Variants in PHACTR1 observed in about 807,000 individuals in gnomAD.
PHACTR1 encodes RPEL repeat containing 1.
A neutral mutation model predicts 69.2 loss-of-function variants in PHACTR1; 16 were observed. That is an observed-to-expected ratio of 0.23 (90% CI 0.16 to 0.35). PHACTR1 has a LOEUF of 0.35. Ranked by LOEUF, PHACTR1 falls within the 10% of genes least tolerant of loss-of-function variation. The probability of loss-of-function intolerance (pLI) is 1.00; values close to 1 mark genes in which losing one functional copy is unlikely to be tolerated. For synonymous variants in PHACTR1, 312 were observed against 284.5 expected (o/e 1.10, Z -0.97); for missense variants, 510 against 734.7 (o/e 0.69, Z 3.54).
chr6:13,170,136 C>CT (rs1470774228), intron 6 of PHACTR1, among the ~76,000 whole-genome samples: 1 of 152,134 alleles, frequency 6.6e-6, no homozygotes, highest in Non-Finnish European at 1.5e-5. Context: ...AGGGAACAAA[C>CT]GAAGGCTATA....
intron 5 of PHACTR1, among the ~76,000 whole-genome samples, chr6:13,130,468 A>G (rs549457973): frequency 1.8e-4 from 28 of 152,256 alleles, no homozygotes; most frequent in African/African-American, 5.3e-4. Flanking sequence ...TAGAAATTAA[A>G]CAGGAGATAT....
chr6:12,981,293 A>G (rs1177021512), intron 4 of PHACTR1, among the ~76,000 whole-genome samples: 1 of 152,206 alleles, frequency 6.6e-6, no homozygotes, highest in African/African-American at 2.4e-5. Flanking sequence ...TAGCATAAAA[A>G]CTGTTCCCCA....
At chr6:13,116,309 C>A (rs191495207) in intron 5 of PHACTR1, among the ~76,000 whole-genome samples, 37 of 152,226 alleles carry the variant, frequency 2.4e-4, no homozygotes, top group African/African-American at 8.4e-4. Context: ...CTGCTTATGC[C>A]CTGAGACAGG....
At chr6:13,178,413 C>G (rs1003295769) in intron 6 of PHACTR1, among the ~76,000 whole-genome samples, 28 of 152,188 alleles carry the variant, frequency 1.8e-4, no homozygotes, top group Middle Eastern at 3.2e-3. Flanking sequence ...TACTCTTTAT[C>G]CTTAATTCAG....
At chr6:12,809,733 CT>C (rs1312563180) in intron 4 of PHACTR1, among the ~76,000 whole-genome samples, 1 of 152,136 alleles carries the variant, frequency 6.6e-6, no homozygotes, top group Non-Finnish European at 1.5e-5. Context: ...TAAGTAAGCT[CT>C]ATAGTTCAGT....
intron 10 of PHACTR1, among the ~76,000 whole-genome samples, chr6:13,249,476 C>T (rs2013128): frequency 6.6e-6 from 1 of 152,084 alleles, no homozygotes. Context: ...TTACATTTTT[C>T]TGGTCAGGGG....
chr6:13,039,238 G>C (rs1305610023), intron 4 of PHACTR1, among the ~76,000 whole-genome samples: 1 of 152,096 alleles, frequency 6.6e-6, no homozygotes, highest in Non-Finnish European at 1.5e-5. Flanking sequence ...ATAATAACTA[G>C]GCAAGTGTTT....
At chr6:13,229,537 G>T (rs1170121143) in intron 9 of PHACTR1, among the ~76,000 whole-genome samples, 1 of 150,404 alleles carries the variant, frequency 6.6e-6, no homozygotes, top group Admixed American at 6.6e-5. Context: ...TCTCCTTCAC[G>T]TCCCCCCAGC....
chr6:12,975,818 C>A (rs533292272), intron 4 of PHACTR1, among the ~76,000 whole-genome samples: 1 of 152,294 alleles, frequency 6.6e-6, no homozygotes, highest in African/African-American at 2.4e-5. Context: ...TTTCTGGGCT[C>A]AAGTAATCCT....
In PHACTR1 at chr6:13,135,543, C is replaced by T. The variant is rs555423490; in HGVS notation, c.416-24661C>T. On this transcript the variant is annotated intron_variant, in intron 5 of 14. Transcript: ENST00000332995. ...ACTGAGAAGACTTTTCATCTGGATA[C>T]ATTTGCAAGTCAAAGAAAACCGTTT... is the stretch of plus-strand genomic sequence containing the variant. 6.6e-5 allele frequency among the ~76,000 whole-genome samples: 10 copies of T among 152,336 alleles called. No homozygotes were observed. In the East Asian group the frequency reaches 1.9e-3, roughly 29 times the overall value.
rs1466035481 is a variant in PHACTR1, at chr6:13,058,476, C to T, written c.415+4947C>T. On this transcript the variant is annotated intron_variant, in intron 5 of 14. Transcript: ENST00000332995. Reference sequence around the variant, plus strand: ...CTTTTACTGAGTGTCCACCACATGCCGGAATGTCACCTGGCTCTGGGTATA... The same window carrying T: ...CTTTTACTGAGTGTCCACCACATGCTGGAATGTCACCTGGCTCTGGGTATA... Among the ~76,000 whole-genome samples the T allele has an allele frequency of 3.3e-5, 5 of 152,108 alleles. No individual in the cohort carries two copies. In the South Asian group the frequency reaches 6.2e-4, roughly 19 times the overall value.
intron 4 of PHACTR1, among the ~76,000 whole-genome samples, chr6:12,839,383 G>T (rs1778471468): frequency 1.3e-5 from 2 of 152,108 alleles, no homozygotes; most frequent in Non-Finnish European, 2.9e-5. Context: ...TTCCCTTCAA[G>T]TCAGTCAGCA....
intron 4 of PHACTR1, among the ~76,000 whole-genome samples, chr6:12,970,298 C>T (rs1794037573): frequency 6.6e-6 from 1 of 152,166 alleles, no homozygotes; most frequent in Admixed American, 6.5e-5. Context: ...TAAGGCCACT[C>T]CTAATTTCTG....
chr6:12,822,518 T>C (rs570544740), intron 4 of PHACTR1, among the ~76,000 whole-genome samples: 7 of 152,296 alleles, frequency 4.6e-5, no homozygotes, highest in Admixed American at 2.0e-4. Flanking sequence ...TCTGCCACGG[T>C]CAGAAGAAAC....
At chr6:12,926,399 T>C (rs890698963) in intron 4 of PHACTR1, among the ~76,000 whole-genome samples, 1 of 152,242 alleles carries the variant, frequency 6.6e-6, no homozygotes, top group Non-Finnish European at 1.5e-5. Context: ...ATGGCTTCAG[T>C]TCTACCCTGT....
rs147765384 is a variant in PHACTR1, at chr6:13,175,549, C to T, written c.497-6970C>T. ...GTCTCTCCTGAGAACAAATTAGAGG[C>T]GCTCACCAGCACACCTCTGTTAACT... On this transcript the variant is annotated intron_variant, in intron 6 of 14. Transcript: ENST00000332995. 1.1e-3 allele frequency among the ~76,000 whole-genome samples: 171 copies of T among 152,250 alleles called. 1 individual carries two copies. In the East Asian group the frequency reaches 0.012, roughly 10 times the overall value.
At chr6:13,150,130 T>C (rs1018425456) in intron 5 of PHACTR1, among the ~76,000 whole-genome samples, 5 of 152,200 alleles carry the variant, frequency 3.3e-5, no homozygotes, top group Admixed American at 3.3e-4. Flanking sequence ...GCAGATCATT[T>C]GAGCCCAGGA....
chr6:12,796,434 A>G (rs1218529677), intron 4 of PHACTR1, among the ~76,000 whole-genome samples: 1 of 152,252 alleles, frequency 6.6e-6, no homozygotes, highest in Non-Finnish European at 1.5e-5. Flanking sequence ...TGTTAACTGA[A>G]TATCAGCATA....
intron 5 of PHACTR1, among the ~76,000 whole-genome samples, chr6:13,066,919 G>C (rs1207133854): frequency 6.6e-6 from 1 of 152,118 alleles, no homozygotes; most frequent in Non-Finnish European, 1.5e-5. Flanking sequence ...TTATTCTAAT[G>C]GTTAAAGCAA....
Sources: gnomAD v4.1 joint callset for allele counts (sites outside exome capture counted in the v4.1 genomes callset) on GRCh38, gnomAD v4.1.1 for gene constraint, MANE v1.5 for transcripts, NCBI Gene and HGNC (gene_info 2026-07-23, HGNC 2026-07-21) for gene names.